PAXIP1: variants seen among roughly 807,000 people sequenced by gnomAD.
The protein encoded by PAXIP1 is PAX interacting protein 1.
A neutral mutation model predicts 140.6 loss-of-function variants in PAXIP1; 19 were observed. The observed-to-expected ratio is 0.14, with a 90% CI of 0.09 to 0.20. The LOEUF (loss-of-function observed/expected upper bound fraction) is 0.20. PAXIP1 is among the 10% of genes least tolerant of loss of function. PAXIP1 has a pLI of 1.00. For missense variants in PAXIP1, 920 were observed against 1,208.6 expected, an observed-to-expected ratio of 0.76 and a Z score of 3.54; for synonymous variants, 442 against 444.6, an observed-to-expected ratio of 0.99 and a Z score of 0.07.
At chr7:154,953,501 C>T (rs536458208) in intron 16 of PAXIP1, among the ~76,000 whole-genome samples, 4 of 152,228 alleles carry the variant, frequency 2.6e-5, no homozygotes, top group African/African-American at 9.6e-5. Flanking sequence ...AGCCTTTCAA[C>T]CCAGACAGGG....
At chr7:154,948,272 G>A (rs1181298998) in intron 16 of PAXIP1, 4 of 385,778 alleles carry the variant, frequency 1.0e-5, no homozygotes, top group African/African-American at 2.1e-5. Context: ...CGGGCTGGGT[G>A]TGGTGGTTCA....
chr7:154,974,868 T>C (rs1026850448), intron 6 of PAXIP1, among the ~76,000 whole-genome samples: 9 of 151,844 alleles, frequency 5.9e-5, no homozygotes, highest in African/African-American at 2.2e-4. Context: ...TTTAAGGCCA[T>C]GCGTGGTGGC....
rs1313939473 is a variant in PAXIP1 at position 154,959,924 on chromosome 7, C to T, written c.2444G>A (p.Arg815Lys). 1 of 1,599,972 alleles carries T rather than the reference C, an allele frequency of 6.3e-7. No individual in the cohort carries two copies. Among genetic ancestry groups the T allele is most frequent in the South Asian group, 1.1e-5 (1 of 90,724 alleles). Residue 815 changes from arginine to lysine, a missense_variant, in exon 13 of 21, where the codon AGA (arginine) becomes AAA (lysine). This residue lies in a region of PAXIP1 where 303 missense variants were observed against 517.9 expected (regional missense o/e 0.59). Coordinates refer to ENST00000404141, the MANE Select transcript of PAXIP1 (RefSeq NM_007349.4). Reference sequence around the variant, plus strand: ...CTCTGCAGACACTTTTAAGGGAACTCTCCAAGCATCTAAAGAGAGAAACAC... The same window carrying T: ...CTCTGCAGACACTTTTAAGGGAACTTTCCAAGCATCTAAAGAGAGAAACAC... ...HLVLNLLDAW[R>K]VPLKVSAELL...
chr7:154,996,793 G>C (rs972307924), intron 2 of PAXIP1, among the ~76,000 whole-genome samples: 2 of 152,054 alleles, frequency 1.3e-5, no homozygotes, highest in African/African-American at 4.8e-5. Flanking sequence ...CTTACGTATC[G>C]ATTCATTTCT....
rs1357628489 is a variant in PAXIP1 at position 154,968,515 on chromosome 7, C to T, written c.1686G>A (p.Gln562=). Residue 562 remains glutamine, a synonymous_variant, in exon 7 of 21, where the codon CAG becomes CAA. Transcript: ENST00000404141. ...GAGGTGGAACCTGATGCTGCAGCGC[C>T]TGTGACGTCTGACTCAAGTGTGGCG... ...QTAPHLSQTS[Q]ALQHQVPPQQ... 1.8e-5 allele frequency: 15 copies of T among 826,634 alleles called. No homozygotes were observed. In the South Asian group the frequency reaches 2.2e-4, roughly 12 times the overall value. 51.2% of individuals were successfully genotyped at this position (826,634 alleles called of 1,614,324 possible).
In PAXIP1 at chr7:154,944,114, C is replaced by T. The variant is rs1206419192; in HGVS notation, c.*35G>A. On this transcript the variant is annotated 3_prime_UTR_variant, in exon 21 of 21. Coordinates refer to ENST00000404141, the MANE Select transcript of PAXIP1 (RefSeq NM_007349.4). The stretch of plus-strand genomic sequence containing the variant: ...GCCAGCCAGACAGCCAGCCCCGCAC[C>T]GCAGGAGTCGACATGCACGGCAGCC... The T allele has an allele frequency of 5.6e-6, 9 of 1,610,694 alleles. No homozygotes were observed. In the East Asian group the frequency reaches 1.1e-4, roughly 20 times the overall value.
In PAXIP1 at chr7:154,983,221, C is replaced by A; in HGVS notation, c.436G>T (p.Gly146Trp). The change falls in exon 5 of 21, where the codon GGG (glycine) becomes TGG (tryptophan). Residue 146 changes from glycine (G) to tryptophan (W), a missense_variant and splice_region_variant. Gly to Trp is a radical substitution (Grantham distance 184). Transcript: ENST00000404141. ...CTHLIVPEPK[G>W]EKYECALKRA... is the part of the protein sequence containing the mutation. ...AAGGTGGCACAAGAAACGCTTACCC[C>A]CTTTGGCTCTGGAACAATCAAATGC... 1.3e-6 allele frequency: 2 copies of A among 1,564,696 alleles called. No homozygotes were observed. The highest frequency in any genetic ancestry group is 1.7e-6 in the Non-Finnish European group (2 of 1,145,900).
rs962856707 is a variant in PAXIP1 at position 154,946,400 on chromosome 7, C to A, written c.3159G>T (p.Leu1053=). Residue 1053 remains leucine, a synonymous_variant, in exon 20 of 21, where the codon CTG becomes CTT. Coordinates refer to ENST00000404141, the MANE Select transcript of PAXIP1 (RefSeq NM_007349.4). This position sits in a 1 kb window ranked among gnomAD's most constrained non-coding sequence, Gnocchi z 4.9. Reference sequence around the variant, plus strand: ...CCAGCGTTTGAGTGAGCACTCCAGTCAGAACGAACTCTGCATTGTGAACAT... The same window carrying A: ...CCAGCGTTTGAGTGAGCACTCCAGTAAGAACGAACTCTGCATTGTGAACAT... ...GIDVHNAEFV[L]TGVLTQTLDY... The A allele has an allele frequency of 3.1e-6, 5 of 1,613,816 alleles. No individual in the cohort carries two copies. Among genetic ancestry groups the A allele is most frequent in the Middle Eastern group, 1.6e-4 (1 of 6,082 alleles).
rs567953838 is a variant in PAXIP1 at position 154,963,384 on chromosome 7, C to T, written c.1989+287G>A. ...AGAGACAGGATTTCACCAGGTTGGT[C>T]AGGCTGGTCTCAAACGCCTGACCTC... On this transcript the variant is annotated intron_variant, in intron 9 of 20. Coordinates refer to ENST00000404141, the MANE Select transcript of PAXIP1 (RefSeq NM_007349.4). The surrounding 1 kb of genome is among the most constrained non-coding windows in gnomAD (Gnocchi z 4.1). Among the ~76,000 whole-genome samples, 1,123 of 152,218 alleles carry T rather than the reference C, an allele frequency of 7.4e-3. 6 individuals carry two copies. Among genetic ancestry groups the T allele is most frequent in the Middle Eastern group, 0.014 (4 of 294 alleles).
chr7:154,962,080 T>C (rs951489833), intron 10 of PAXIP1, among the ~76,000 whole-genome samples: 2 of 152,206 alleles, frequency 1.3e-5, no homozygotes, highest in Admixed American at 6.5e-5. Context: ...GGATTTTAAA[T>C]AGTGTCAAAG....
chr7:154,953,617 G>A lies in PAXIP1; in HGVS notation c.2821+638C>T, dbSNP rs114725951. Among the ~76,000 whole-genome samples, 571 of 152,220 alleles carry A rather than the reference G, an allele frequency of 3.8e-3. 5 individuals are homozygous for A. Among genetic ancestry groups the A allele is most frequent in the African/African-American group, 0.013 (531 of 41,524 alleles). On this transcript the variant is annotated intron_variant, in intron 16 of 20. Transcript: ENST00000404141. ...AGACACAGGGTGACACCACTCCTAT[G>A]CAGGACAGTAAGGGCACATAGCTGC...
intron 13 of PAXIP1, among the ~76,000 whole-genome samples, 191 bp downstream of exon 13, chr7:154,959,699 C>T (rs1020639774): frequency 2.0e-5 from 3 of 152,200 alleles, no homozygotes; most frequent in Non-Finnish European, 4.4e-5. Context: ...ACACCCATTG[C>T]TTCCAGTGGT....
chr7:154,969,803 C>A (rs1313003001), intron 6 of PAXIP1, among the ~76,000 whole-genome samples: 1 of 152,202 alleles, frequency 6.6e-6, no homozygotes, highest in African/African-American at 2.4e-5. Flanking sequence ...GCTAAGACAC[C>A]ACCGGGGCTG....
chr7:154,984,563 A>G (rs1229324505), intron 4 of PAXIP1, among the ~76,000 whole-genome samples: 1 of 152,266 alleles, frequency 6.6e-6, no homozygotes, highest in African/African-American at 2.4e-5. Flanking sequence ...TATTCTATGA[A>G]TATTAACAAG....
intron 1 of PAXIP1, 39 bp downstream of exon 1, chr7:155,002,810 G>A (rs1034704430): frequency 3.3e-6 from 4 of 1,221,700 alleles, no homozygotes; most frequent in Non-Finnish European, 4.4e-6. Context: ...ACGGGGACGC[G>A]GACGGGGGAG....
chr7:154,991,224 G>C (rs1405435059), intron 3 of PAXIP1, among the ~76,000 whole-genome samples, 155 bp from the exon 4 acceptor site: 1 of 152,194 alleles, frequency 6.6e-6, no homozygotes, highest in Non-Finnish European at 1.5e-5. Context: ...GAGTGGAATA[G>C]AGAGTAGTGG....
chr7:155,002,852 C>T lies in PAXIP1; in HGVS notation c.78G>A (p.Pro26=). ...GCGGCAGGGGCGGGCGCGGTACCTG[C>T]GGGTCGATGTCGCCCACCGCGTAAT... The part of the protein sequence containing the change: ...VKYYAVGDID[P]QVIQLLKAGK... The change falls in exon 1 of 21, where the codon CCG becomes CCA. Residue 26 remains proline, a synonymous_variant. Coordinates refer to ENST00000404141, the MANE Select transcript of PAXIP1 (RefSeq NM_007349.4). The T allele has an allele frequency of 7.2e-7, 1 of 1,392,976 alleles. No individual in the cohort carries two copies. Among genetic ancestry groups the T allele is most frequent in the Admixed American group, 2.3e-5 (1 of 44,444 alleles). The allele number at this position is 1,392,976 out of a possible 1,614,324, so 86.3% of individuals were successfully genotyped here.
intron 4 of PAXIP1, among the ~76,000 whole-genome samples, chr7:154,990,037 C>CT (rs749788206): frequency 0.027 from 2,931 of 109,898 alleles, 113 homozygotes; most frequent in African/African-American, 0.064. Context: ...ATAAGTTTCT[C>CT]TTTTTTTTTT....
At position 154,976,029 on chromosome 7, in the gene PAXIP1, T is replaced by G; in HGVS notation, c.741A>C (p.Leu247Phe). ...KSNTEKSKGE[L>F]MFDDSSDSSP... ...ATGAATCTGAAGAATCATCAAACAT[T>G]AATTCCCCTTTAGATTTTTCAGTGT... Residue 247 changes from leucine to phenylalanine, a missense_variant, in exon 6 of 21, where the codon TTA becomes TTC. Around this residue, in one of 5 missense-constraint regions of PAXIP1, gnomAD observed 419 missense variants for 514.7 expected, o/e 0.81. Coordinates refer to ENST00000404141, the MANE Select transcript of PAXIP1 (RefSeq NM_007349.4). The G allele has an allele frequency of 6.2e-7, 1 of 1,610,780 alleles. No individual in the cohort carries two copies. Among genetic ancestry groups the G allele is most frequent in the Non-Finnish European group, 8.5e-7 (1 of 1,178,122 alleles).
Sources: allele counts gnomAD v4.1 joint callset (sites outside exome capture counted in the v4.1 genomes callset), GRCh38; gene constraint gnomAD v4.1.1; regional missense constraint gnomAD v4.1.1; non-coding constraint Gnocchi (gnomAD v3.1); transcripts MANE v1.5; gene names NCBI Gene and HGNC (gene_info 2026-07-23, HGNC 2026-07-21).